Variants in UGT2B4 observed in about 807,000 individuals in gnomAD.
UGT2B4 encodes the protein UDP-glucuronosyltransferase 2B4.
A neutral mutation model predicts 49.8 loss-of-function variants in UGT2B4; 49 were observed. That is an observed-to-expected ratio of 0.98 (90% CI 0.78 to 1.25). The LOEUF is 1.25. Ranked by LOEUF, UGT2B4 falls within the 50% of genes most tolerant of loss-of-function variation. The pLI is 0.00. For missense variants in UGT2B4, 729 were observed against 627.7 expected, an observed-to-expected ratio of 1.16 and a Z score of -1.73; for synonymous variants, 246 against 217.7, an observed-to-expected ratio of 1.13 and a Z score of -1.14.
At chr4:69,518,093 T>C (rs1197110648) in intron 1 of UGT2B4, 1 of 152,280 alleles carries the variant, frequency 6.6e-6, no homozygotes, top group African/African-American at 2.4e-5. Context: ...GAGGTCAAGC[T>C]TGACAAGACA....
In UGT2B4 at chr4:69,495,251, T is replaced by C. The variant is rs1728115920; in HGVS notation, c.611A>G (p.Gln204Arg). 6.2e-7 allele frequency: 1 copy of C among 1,612,824 alleles called. No homozygotes were observed. Among genetic ancestry groups the C allele is most frequent in the Non-Finnish European group, 8.5e-7 (1 of 1,179,648 alleles). The change falls in exon 1 of 6, where the codon CAA becomes CGA. Residue 204 changes from glutamine (Q) to arginine (R), a missense_variant. Gln to Arg is a conservative substitution (Grantham distance 43). Transcript: ENST00000305107. ...VPVVMSELSD[Q>R]MTFIERVKNM... is the part of the protein sequence containing the mutation. ...TTTTACCCTCTCTATGAAAGTCATT[T>C]GGTCACTTAGTTCTGACATAACAAC...
At chr4:69,518,365 T>G (rs1220811865) in intron 1 of UGT2B4, 1 of 152,208 alleles carries the variant, frequency 6.6e-6, no homozygotes, top group Non-Finnish European at 1.5e-5. Flanking sequence ...AGAGCTGAGG[T>G]AGCAGAATTG....
intron 5 of UGT2B4, among the ~76,000 whole-genome samples, chr4:69,483,372 T>C (rs1727658990): frequency 6.6e-6 from 1 of 152,136 alleles, no homozygotes. Flanking sequence ...TACATATGTA[T>C]GAGTTATATA....
rs41297399 is a variant in UGT2B4 at position 69,489,584 on chromosome 4, G to C, written c.871-14C>G. On this transcript the variant is annotated splice_polypyrimidine_tract_variant and intron_variant, in intron 2 of 5. Transcript: ENST00000305107. ...CTCTTCCATTTCCTGTGAAAAAAAA[G>C]AATTTGTTCTATCATAATAGATTAT... 2.0e-3 allele frequency: 3,172 copies of C among 1,598,286 alleles called. 47 individuals carry two copies. In the African/African-American group the frequency reaches 0.036, roughly 18 times the overall value.
At chr4:69,497,344 A>T (rs112909193), upstream of UGT2B4, among the ~76,000 whole-genome samples, 9 of 152,104 alleles carry the variant, frequency 5.9e-5, 1 homozygote, top group African/African-American at 2.2e-4. Flanking sequence ...CCCTCCATTA[A>T]CCCCTTAAAA....
intron 1 of UGT2B4, among the ~76,000 whole-genome samples, chr4:69,503,514 C>G (rs1442825041): frequency 1.3e-5 from 2 of 152,182 alleles, no homozygotes; most frequent in African/African-American, 2.4e-5. Context: ...TGCACCCCTC[C>G]CCTCTACTGA....
intron 1 of UGT2B4, among the ~76,000 whole-genome samples, chr4:69,502,132 T>TCTTTCTTTCTTTCTTTC (rs1728349448): frequency 7.0e-6 from 1 of 142,980 alleles, no homozygotes; most frequent in African/African-American, 2.7e-5. Context: ...TTTCTTTCTT[T>TCTTTCTTTCTTTCTTTC]CTTTCTTTCT....
At chr4:69,521,665 C>A (rs1052254505) in intron 1 of UGT2B4, among the ~76,000 whole-genome samples, 3 of 152,126 alleles carry the variant, frequency 2.0e-5, no homozygotes, top group Non-Finnish European at 2.9e-5. Context: ...GCGCAGCCTG[C>A]TGGGCCAAGT....
At chr4:69,502,086 TC>T (rs1728334140) in intron 1 of UGT2B4, among the ~76,000 whole-genome samples, 1 of 48,470 alleles carries the variant, frequency 2.1e-5, no homozygotes, top group Non-Finnish European at 4.0e-5. Flanking sequence ...TTTCTTTCTT[TC>T]TCTCTCTTTC....
chr4:69,507,067 A>C (rs917723125), intron 1 of UGT2B4, among the ~76,000 whole-genome samples: 1 of 152,212 alleles, frequency 6.6e-6, no homozygotes, highest in East Asian at 1.9e-4. Flanking sequence ...TATTGAAGGA[A>C]CATACCTCAA....
chr4:69,486,551 A>G, intron 4 of UGT2B4, 58 bp downstream of exon 4: 4 of 1,224,018 alleles, frequency 3.3e-6, no homozygotes, highest in Non-Finnish European at 4.6e-6. Context: ...CATGATAACT[A>G]TTAACACTTT....
intron 1 of UGT2B4, among the ~76,000 whole-genome samples, chr4:69,523,290 T>C (rs766115999): frequency 2.0e-5 from 3 of 151,936 alleles, no homozygotes; most frequent in Non-Finnish European, 4.4e-5. Flanking sequence ...CAATTTAAGA[T>C]AGCAATATCC....
intron 1 of UGT2B4, among the ~76,000 whole-genome samples, chr4:69,510,251 T>A (rs1304740713): frequency 6.6e-6 from 1 of 152,186 alleles, no homozygotes; most frequent in Non-Finnish European, 1.5e-5. Flanking sequence ...TTAATTATTG[T>A]AGCATTTAAT....
exon 1 of UGT2B4, chr4:69,525,760 ACATGTT>A: frequency 8.1e-7 from 1 of 1,237,684 alleles, no homozygotes; most frequent in Non-Finnish European, 1.0e-6. Flanking sequence ...CAAGCAGCTC[ACATGTT>A]TATATTTAAA....
intron 1 of UGT2B4, among the ~76,000 whole-genome samples, chr4:69,506,045 A>G (rs1355936899): frequency 1.3e-5 from 2 of 152,168 alleles, no homozygotes; most frequent in African/African-American, 4.8e-5. Context: ...AAGATACAAC[A>G]TGCCAAAATC....
intron 1 of UGT2B4, among the ~76,000 whole-genome samples, chr4:69,524,205 G>T (rs1260551230): frequency 1.3e-5 from 2 of 152,012 alleles, no homozygotes; most frequent in African/African-American, 4.8e-5. Flanking sequence ...TCACAACTAG[G>T]TTAACTGCTG....
At position 69,495,348 on chromosome 4, in the gene UGT2B4, G is replaced by A. The variant is rs531138217; in HGVS notation, c.514C>T (p.Leu172Phe). The A allele has an allele frequency of 2.5e-6, 4 of 1,613,540 alleles. No individual in the cohort carries two copies. The South Asian group carries it at 4.4e-5, about 18-fold the overall frequency. ...ELLKIPFVYS[L>F]RFSPGYAIEK... is the part of the protein sequence containing the mutation. ...ATTGCGTAGCCAGGAGAGAAGCGGAGGCTGTAGACAAAGGGTATTTTAAGT... is the reference window on the plus strand; with the variant it reads ...ATTGCGTAGCCAGGAGAGAAGCGGAAGCTGTAGACAAAGGGTATTTTAAGT... The change falls in exon 1 of 6, where the codon CTC becomes TTC. Residue 172 changes from leucine to phenylalanine, a missense_variant. Transcript: ENST00000305107.
At chr4:69,507,939 C>CT (rs1247376986) in intron 1 of UGT2B4, among the ~76,000 whole-genome samples, 4 of 152,216 alleles carry the variant, frequency 2.6e-5, no homozygotes, top group Non-Finnish European at 4.4e-5. Context: ...GAGTGGAAGA[C>CT]TTTTTTGTAA....
chr4:69,500,606 G>GAAGAAAGA (rs61653936), upstream of UGT2B4, among the ~76,000 whole-genome samples: 5,000 of 98,800 alleles, frequency 0.051, 276 homozygotes, highest in African/African-American at 0.11. Context: ...AGAAAGCAAG[G>GAAGAAAGA]AAGAAAGAAA....
Sources: allele counts gnomAD v4.1 joint callset (sites outside exome capture counted in the v4.1 genomes callset), GRCh38; gene constraint gnomAD v4.1.1; transcripts MANE v1.5; gene names NCBI Gene and HGNC (gene_info 2026-07-23, HGNC 2026-07-21).